ARHGAP20: variants seen among roughly 807,000 people sequenced by gnomAD.
ARHGAP20 encodes the protein rho GTPase-activating protein 20.
Under a neutral mutation model 73.7 loss-of-function variants are expected in ARHGAP20, and 34 were observed. The observed-to-expected ratio is 0.46, with a 90% CI of 0.35 to 0.61. The LOEUF is 0.61. ARHGAP20 is among the 20% of genes least tolerant of loss of function. ARHGAP20 has a pLI of 0.00. For synonymous variants in ARHGAP20, 523 were observed against 518.2 expected (o/e 1.01, Z -0.13); for missense variants, 1,314 against 1,420.9 (o/e 0.92, Z 1.21).
At position 110,606,611 on chromosome 11, in the gene ARHGAP20, C is replaced by A; in HGVS notation, c.914G>T (p.Cys305Phe). ...LMEQLPREMQ[C>F]QFILKPSRLA... Reference sequence around the variant, plus strand: ...GCGGCTGGGCTTCAGGATGAACTGGCACTGCATCTCTCGGGGGAGCTGTTC... The same window carrying A: ...GCGGCTGGGCTTCAGGATGAACTGGAACTGCATCTCTCGGGGGAGCTGTTC... Residue 305 changes from cysteine to phenylalanine, a missense_variant, in exon 9 of 15, where the codon TGC (cysteine) becomes TTC (phenylalanine). This residue lies in a region of ARHGAP20 where 443 missense variants were observed against 466.4 expected (regional missense o/e 0.95). Transcript: ENST00000683387. 1 of 1,612,202 alleles carries A rather than the reference C, an allele frequency of 6.2e-7. No homozygotes were observed. Among genetic ancestry groups the A allele is most frequent in the Non-Finnish European group, 8.5e-7 (1 of 1,179,292 alleles).
intron 1 of ARHGAP20, among the ~76,000 whole-genome samples, chr11:110,705,784 G>A (rs1591195976): frequency 6.6e-6 from 1 of 152,086 alleles, no homozygotes; most frequent in Non-Finnish European, 1.5e-5. Flanking sequence ...AATCATCTGA[G>A]GCTTAGGATT....
rs1287165369 is a variant in ARHGAP20, at chr11:110,595,464, T to C, written c.965-3309A>G. ...GCAAAGTCTCAGGATACAAAATCAA[T>C]GTACAAAAATAACAAGCATTCTTAT... is the stretch of plus-strand genomic sequence containing the variant. On this transcript the variant is annotated intron_variant, in intron 9 of 14. Transcript: ENST00000683387. Among the ~76,000 whole-genome samples the C allele has an allele frequency of 3.3e-5, 5 of 152,188 alleles. No homozygotes were observed. The East Asian group carries it at 7.7e-4, about 23-fold the overall frequency.
rs191488501 is a variant in ARHGAP20, at chr11:110,696,280, C to T, written c.106-5651G>A. 2.2e-3 allele frequency among the ~76,000 whole-genome samples: 329 copies of T among 151,552 alleles called. 12 individuals are homozygous for T. The highest frequency in any genetic ancestry group is 0.021 in the Admixed American group (314 of 15,200). On this transcript the variant is annotated intron_variant, in intron 1 of 14. Transcript: ENST00000683387. ...ACAATTCTATGACTACACTAAAAGC[C>T]GCTGAACATAACTTTAGGTGGGTGA... is the stretch of plus-strand genomic sequence containing the variant.
At chr11:110,632,740 T>C (rs1948885027) in intron 2 of ARHGAP20, among the ~76,000 whole-genome samples, 1 of 152,180 alleles carries the variant, frequency 6.6e-6, no homozygotes, top group Non-Finnish European at 1.5e-5. Flanking sequence ...CTCTGCTAAT[T>C]TCTTTCACGT....
chr11:110,589,889 C>T (rs1591299166), intron 11 of ARHGAP20, among the ~76,000 whole-genome samples: 1 of 152,218 alleles, frequency 6.6e-6, no homozygotes, highest in East Asian at 1.9e-4. Context: ...GGGAGGCTGA[C>T]GCAGGTGGAT....
intron 9 of ARHGAP20, 121 bp from the exon 10 acceptor site, chr11:110,592,276 G>T (rs2134830583): frequency 2.3e-6 from 2 of 862,026 alleles, no homozygotes; most frequent in Non-Finnish European, 3.4e-6. Context: ...CTAATAGATG[G>T]CTTTTGTCAT....
intron 9 of ARHGAP20, among the ~76,000 whole-genome samples, chr11:110,595,372 A>G (rs1947930853): frequency 6.6e-6 from 1 of 152,252 alleles, no homozygotes; most frequent in Admixed American, 6.5e-5. Flanking sequence ...TGCAGATGAC[A>G]CGATTGTATA....
intron 11 of ARHGAP20, among the ~76,000 whole-genome samples, chr11:110,590,099 C>G (rs954565368): frequency 7.0e-6 from 1 of 143,694 alleles, no homozygotes; most frequent in East Asian, 2.0e-4. Flanking sequence ...CCAGCCTGGC[C>G]GACAGAGTGA....
At chr11:110,604,296 C>T (rs1311225250) in intron 9 of ARHGAP20, among the ~76,000 whole-genome samples, 1 of 152,124 alleles carries the variant, frequency 6.6e-6, no homozygotes, top group Non-Finnish European at 1.5e-5. Context: ...TCTCAGCTGG[C>T]CCTTGGCATC....
chr11:110,712,258 C>A lies in ARHGAP20; in HGVS notation c.-27G>T. 7.6e-7 allele frequency: 1 copy of A among 1,316,916 alleles called. No individual in the cohort carries two copies. The allele number at this position is 1,316,916 out of a possible 1,614,324, so 81.6% of individuals were successfully genotyped here. A position where few individuals can be genotyped will look rare whatever the true frequency, so the allele number is the denominator to read the frequency against. The stretch of plus-strand genomic sequence containing the variant: ...AAGAAAATCTTCAAACAAATCCCAG[C>A]CCAGGAGGAGGCTACACGATCATGT... On this transcript the variant is annotated 5_prime_UTR_variant, in exon 1 of 15. Transcript: ENST00000683387.
intron 4 of ARHGAP20, among the ~76,000 whole-genome samples, chr11:110,617,516 G>A (rs1428416332): frequency 1.3e-5 from 2 of 152,088 alleles, no homozygotes; most frequent in East Asian, 1.9e-4. Context: ...ACCCGCCTCC[G>A]CCTCCCAAAG....
At chr11:110,582,266 TACAAACA>T (rs1947493264) in intron 14 of ARHGAP20, 48 bp downstream of exon 14, 1 of 1,423,434 alleles carries the variant, frequency 7.0e-7, no homozygotes, top group African/African-American at 1.4e-5. Flanking sequence ...CCAGCACGTT[TACAAACA>T]ACCATGTGTC....
At chr11:110,704,610 G>A (rs1441583715) in intron 1 of ARHGAP20, among the ~76,000 whole-genome samples, 1 of 152,170 alleles carries the variant, frequency 6.6e-6, no homozygotes, top group East Asian at 1.9e-4. Flanking sequence ...ATTGATGGTT[G>A]ACCGAAGGCA....
At chr11:110,630,482 TG>T in intron 3 of ARHGAP20, 145 bp downstream of exon 3, 1 of 785,754 alleles carries the variant, frequency 1.3e-6, no homozygotes, top group South Asian at 1.9e-5. Context: ...GATTTTTTTT[TG>T]CAATGAAGGG....
intron 3 of ARHGAP20, among the ~76,000 whole-genome samples, chr11:110,627,940 A>G (rs1032042127): frequency 1.3e-5 from 2 of 152,248 alleles, no homozygotes; most frequent in Non-Finnish European, 2.9e-5. Flanking sequence ...TTAATACTTT[A>G]CTAATTTAGT....
intron 9 of ARHGAP20, among the ~76,000 whole-genome samples, chr11:110,597,034 C>T (rs1384153545): frequency 6.6e-6 from 1 of 151,082 alleles, no homozygotes; most frequent in African/African-American, 2.4e-5. Context: ...AGCAAACTAT[C>T]GCCAGGACAA....
intron 2 of ARHGAP20, among the ~76,000 whole-genome samples, chr11:110,636,105 G>A (rs1948961745): frequency 6.6e-6 from 1 of 152,070 alleles, no homozygotes; most frequent in Non-Finnish European, 1.5e-5. Context: ...ATTGCAGTAT[G>A]GCTTAATCTA....
At chr11:110,662,529 G>C (rs928672592) in intron 2 of ARHGAP20, among the ~76,000 whole-genome samples, 4 of 151,946 alleles carry the variant, frequency 2.6e-5, no homozygotes, top group African/African-American at 9.6e-5. Context: ...GGTAGTGGTA[G>C]TGTTGATACT....
At chr11:110,681,789 T>C (rs1160063650) in intron 2 of ARHGAP20, among the ~76,000 whole-genome samples, 1 of 152,134 alleles carries the variant, frequency 6.6e-6, no homozygotes, top group Non-Finnish European at 1.5e-5. Context: ...AGTTAGCAAA[T>C]GGCTGCTTTC....
Sources: allele counts gnomAD v4.1 joint callset (sites outside exome capture counted in the v4.1 genomes callset), GRCh38; gene constraint gnomAD v4.1.1; regional missense constraint gnomAD v4.1.1; transcripts MANE v1.5; gene names NCBI Gene and HGNC (gene_info 2026-07-23, HGNC 2026-07-21).